The following DLGAP1 variants were observed in gnomAD, a reference collection of about 807,000 sequenced individuals.
DLGAP1 encodes the protein DLG associated protein 1.
In DLGAP1, 11 loss-of-function variants were observed where a neutral mutation model predicts 90.8. The observed-to-expected ratio is 0.12, with a 90% confidence interval of 0.08 to 0.20. The LOEUF (loss-of-function observed/expected upper bound fraction) is 0.20, where lower values mean the gene tolerates loss of function less well. Among genes scored for constraint, DLGAP1 ranks in the 10% least tolerant of loss-of-function variants. DLGAP1 has a pLI of 1.00. For synonymous variants in DLGAP1, 558 were observed against 540.7 expected, an observed-to-expected ratio of 1.03 and a Z score of -0.44; for missense variants, 1,050 against 1,333.8, an observed-to-expected ratio of 0.79 and a Z score of 3.31.
intron 4 of DLGAP1, among the ~76,000 whole-genome samples, chr18:3,860,106 A>AAAT (rs1041683643): frequency 2.1e-5 from 3 of 146,320 alleles, no homozygotes; most frequent in South Asian, 4.4e-4. Context: ...CTCAAAAAAT[A>AAAT]AATAAATAAA....
intron 2 of DLGAP1, among the ~76,000 whole-genome samples, chr18:4,130,916 A>T (rs1444882116): frequency 2.0e-5 from 3 of 152,140 alleles, no homozygotes; most frequent in Non-Finnish European, 4.4e-5. Context: ...ATTGGCGAGG[A>T]TGTGGCCAGC....
rs1428316505 is a variant in DLGAP1, at chr18:4,246,690, G to A, written c.-266-95403C>T. 2.0e-5 allele frequency among the ~76,000 whole-genome samples: 3 copies of A among 152,132 alleles called. No homozygotes were observed. The East Asian group carries it at 5.8e-4, about 29-fold the overall frequency. On this transcript the variant is annotated intron_variant, in intron 1 of 12. Coordinates refer to ENST00000315677, the MANE Select transcript of DLGAP1 (RefSeq NM_004746.4). ...CAGGACTTCCGTCTCGAGGGTAATT[G>A]CTTAGAACAGAAAACAAGGTTCTGT...
chr18:4,226,790 A>G (rs2078199688), intron 1 of DLGAP1, among the ~76,000 whole-genome samples: 1 of 151,850 alleles, frequency 6.6e-6, no homozygotes. Flanking sequence ...AAGGAAGAAA[A>G]GAAGGAAAAG....
chr18:3,685,612 A>ATTAT (rs148957263), intron 7 of DLGAP1, among the ~76,000 whole-genome samples: 21,635 of 145,818 alleles, frequency 0.15, 3,881 homozygotes, highest in African/African-American at 0.43. Flanking sequence ...GTACCCTTTA[A>ATTAT]TTATTTATTT....
chr18:4,318,423 G>A (rs1464601011), intron 1 of DLGAP1, among the ~76,000 whole-genome samples: 1 of 152,188 alleles, frequency 6.6e-6, no homozygotes, highest in Non-Finnish European at 1.5e-5. Flanking sequence ...TCTGAAAGTT[G>A]TAACATGATA....
chr18:3,584,101 C>A (rs977830370), intron 7 of DLGAP1, among the ~76,000 whole-genome samples: 1 of 152,140 alleles, frequency 6.6e-6, no homozygotes, highest in South Asian at 2.1e-4. Flanking sequence ...AAGCTTTACA[C>A]GTTGGCTTTC....
intron 1 of DLGAP1, among the ~76,000 whole-genome samples, chr18:4,345,027 T>C (rs1250679970): frequency 6.6e-6 from 1 of 152,172 alleles, no homozygotes; most frequent in Admixed American, 6.5e-5. Context: ...TCTCAGGGCT[T>C]TGAGATGCAG....
intron 10 of DLGAP1, among the ~76,000 whole-genome samples, chr18:3,525,966 C>T (rs555697826): frequency 2.0e-5 from 3 of 152,302 alleles, no homozygotes; most frequent in Non-Finnish European, 4.4e-5. Flanking sequence ...CTGGCACCAG[C>T]GCTGTGCAAA....
chr18:3,963,080 G>C (rs903741129), intron 3 of DLGAP1, among the ~76,000 whole-genome samples: 2 of 152,140 alleles, frequency 1.3e-5, no homozygotes, highest in Non-Finnish European at 2.9e-5. Context: ...GATCTCTTCT[G>C]TCTGCCTTCT....
intron 7 of DLGAP1, among the ~76,000 whole-genome samples, chr18:3,724,939 C>T (rs1049039351): frequency 3.3e-5 from 5 of 151,428 alleles, no homozygotes; most frequent in Non-Finnish European, 7.4e-5. Context: ...CAGAAAAACC[C>T]ACCAGAGAAT....
intron 7 of DLGAP1, among the ~76,000 whole-genome samples, chr18:3,609,796 G>A (rs75023326): frequency 4.0e-5 from 6 of 151,484 alleles, no homozygotes; most frequent in South Asian, 2.1e-4. Context: ...GGTGGCTCAC[G>A]CCTTTAATCC....
intron 5 of DLGAP1, among the ~76,000 whole-genome samples, chr18:3,787,480 C>CAAAAA (rs1189558362): frequency 1.4e-4 from 9 of 63,804 alleles, no homozygotes; most frequent in African/African-American, 5.7e-4. Flanking sequence ...AACTCCATCT[C>CAAAAA]AAAAAAAAAA....
At chr18:3,821,670 G>A (rs184509311) in intron 4 of DLGAP1, among the ~76,000 whole-genome samples, 463 of 152,284 alleles carry the variant, frequency 3.0e-3, no homozygotes, top group African/African-American at 0.01. Flanking sequence ...GTTTAAACAA[G>A]CATGAACAGT....
intron 1 of DLGAP1, among the ~76,000 whole-genome samples, chr18:4,425,902 T>C (rs558191048): frequency 4.6e-5 from 7 of 152,340 alleles, no homozygotes; most frequent in African/African-American, 1.7e-4. Flanking sequence ...GATTGCATGA[T>C]AGTAAATTCC....
At chr18:4,377,622 T>TA (rs1273558223) in intron 1 of DLGAP1, among the ~76,000 whole-genome samples, 1 of 152,160 alleles carries the variant, frequency 6.6e-6, no homozygotes, top group African/African-American at 2.4e-5. Flanking sequence ...ATATTGTCCT[T>TA]ATATTATGAC....
chr18:3,538,932 T>G (rs1284754548), intron 9 of DLGAP1, among the ~76,000 whole-genome samples: 1 of 152,250 alleles, frequency 6.6e-6, no homozygotes, highest in African/African-American at 2.4e-5. Flanking sequence ...GAAAAATTAC[T>G]TGGCAGTAGA....
chr18:3,895,321 A>ACAC (rs1555703472), intron 3 of DLGAP1, among the ~76,000 whole-genome samples: 129 of 104,782 alleles, frequency 1.2e-3, no homozygotes, highest in Middle Eastern at 4.9e-3. Context: ...ACACACACAC[A>ACAC]TCATCATCAT....
chr18:3,957,290 A>C (rs2073103161), intron 3 of DLGAP1, among the ~76,000 whole-genome samples: 1 of 152,180 alleles, frequency 6.6e-6, no homozygotes, highest in South Asian at 2.1e-4. Flanking sequence ...GAAGCCTGTA[A>C]GGGAAAAGGC....
chr18:4,075,706 C>T (rs934743936), intron 2 of DLGAP1, among the ~76,000 whole-genome samples: 13 of 151,928 alleles, frequency 8.6e-5, no homozygotes, highest in African/African-American at 1.9e-4. Context: ...TTATCTAGAG[C>T]GTAAGTATTA....
Sources: allele counts gnomAD v4.1 joint callset (sites outside exome capture counted in the v4.1 genomes callset), GRCh38; gene constraint gnomAD v4.1.1; transcripts MANE v1.5; gene names NCBI Gene and HGNC (gene_info 2026-07-23, HGNC 2026-07-21).